Variants in PDE8B observed in about 807,000 individuals in gnomAD.
PDE8B encodes the protein phosphodiesterase 8B.
Under a neutral mutation model 101.3 loss-of-function variants are expected in PDE8B, and 26 were observed. That is an observed-to-expected ratio of 0.26 (90% confidence interval 0.19 to 0.36). The LOEUF is 0.36. Ranked by LOEUF, PDE8B falls within the 10% of genes least tolerant of loss-of-function variation. The probability of loss-of-function intolerance (pLI) is 1.00; values close to 1 mark genes in which losing one functional copy is unlikely to be tolerated. For synonymous variants in PDE8B, 424 were observed against 429.3 expected (o/e 0.99, Z 0.15); for missense variants, 810 against 1,163.1 (o/e 0.70, Z 4.42).
At chr5:77,123,362 A>T in the PDE8B span, among the ~76,000 whole-genome samples, 2 of 145,952 alleles carry the variant, frequency 1.4e-5, no homozygotes, top group African/African-American at 2.5e-5. Context: ...TTCCTCCCCC[A>T]CCGCCCCCCG....
the PDE8B span, among the ~76,000 whole-genome samples, chr5:77,155,537 G>A: frequency 6.6e-6 from 1 of 152,198 alleles, no homozygotes; most frequent in Non-Finnish European, 1.5e-5. Context: ...CTCTGTGTCT[G>A]TTTCCTTATG....
At chr5:77,380,388 A>G (rs2150785422) in intron 10 of PDE8B, among the ~76,000 whole-genome samples, 1 of 152,366 alleles carries the variant, frequency 6.6e-6, no homozygotes, top group South Asian at 2.1e-4. Context: ...TTAGGGACAA[A>G]GGTGCATTTA....
chr5:77,365,555 G>A (rs1261232450), intron 10 of PDE8B, among the ~76,000 whole-genome samples: 1 of 152,188 alleles, frequency 6.6e-6, no homozygotes, highest in East Asian at 1.9e-4. Flanking sequence ...CCTAGGTCCT[G>A]GCACACAGAA....
chr5:77,110,407 T>G, the PDE8B span, among the ~76,000 whole-genome samples: 1 of 152,164 alleles, frequency 6.6e-6, no homozygotes, highest in South Asian at 2.1e-4. Flanking sequence ...ATGGCCTGAA[T>G]GAAAGGTTAG....
At chr5:77,163,930 T>A in the PDE8B span, among the ~76,000 whole-genome samples, 1 of 152,254 alleles carries the variant, frequency 6.6e-6, no homozygotes, top group Admixed American at 6.5e-5. Context: ...GGCCTTGTTG[T>A]CTTCTTCTTT....
intron 15 of PDE8B, 73 bp from the exon 16 acceptor site, chr5:77,412,027 A>T: frequency 2.0e-6 from 3 of 1,483,450 alleles, no homozygotes; most frequent in Non-Finnish European, 1.9e-6. Context: ...GTAACTATGA[A>T]GATGATGACA....
At chr5:77,339,078 G>GA (rs1778709841) in intron 6 of PDE8B, among the ~76,000 whole-genome samples, 1 of 152,172 alleles carries the variant, frequency 6.6e-6, no homozygotes, top group Non-Finnish European at 1.5e-5. Context: ...ATAGCATAAA[G>GA]AAAAGCCTTC....
At chr5:77,375,843 C>T (rs1208909364) in intron 10 of PDE8B, among the ~76,000 whole-genome samples, 2 of 149,744 alleles carry the variant, frequency 1.3e-5, no homozygotes, top group South Asian at 2.1e-4. Flanking sequence ...TTTGTTGCCC[C>T]TTTTTAGGGT....
intron 1 of PDE8B, among the ~76,000 whole-genome samples, chr5:77,247,380 A>G (rs192778356): frequency 6.6e-6 from 1 of 152,238 alleles, no homozygotes; most frequent in Admixed American, 6.5e-5. Context: ...CGGGGTCCCA[A>G]ATGAGGGCCA....
chr5:77,200,312 T>C, the PDE8B span, among the ~76,000 whole-genome samples: 1 of 152,218 alleles, frequency 6.6e-6, no homozygotes, highest in African/African-American at 2.4e-5. Context: ...AATGGCAACC[T>C]TTTGGATAGG....
At position 77,305,484 on chromosome 5, in the gene PDE8B, A is replaced by G. The variant is rs73767362; in HGVS notation, c.340-6510A>G. Among the ~76,000 whole-genome samples the G allele has an allele frequency of 5.7e-3, 873 of 152,196 alleles. 12 individuals carry two copies. The highest frequency in any genetic ancestry group is 0.02 in the African/African-American group (833 of 41,518). On this transcript the variant is annotated intron_variant, in intron 1 of 21. Transcript: ENST00000264917. Reference sequence around the variant, plus strand: ...ACAACTGAGAGGGGACAGAAGGAAGAGAGTGTTCTGGGTGTGCTAAGCACA... The same window carrying G: ...ACAACTGAGAGGGGACAGAAGGAAGGGAGTGTTCTGGGTGTGCTAAGCACA...
chr5:77,180,525 G>T, the PDE8B span: 1 of 980,358 alleles, frequency 1.0e-6, no homozygotes, highest in Non-Finnish European at 1.2e-6. Context: ...GCCCTCGGCC[G>T]CCCCCTCACA....
the PDE8B span, among the ~76,000 whole-genome samples, chr5:77,133,877 A>G: frequency 6.6e-6 from 1 of 152,196 alleles, no homozygotes; most frequent in South Asian, 2.1e-4. Flanking sequence ...AAACTTTTGC[A>G]TCTCCAATAT....
At position 77,231,839 on chromosome 5, in the gene PDE8B, A is replaced by C. The variant is rs1471704942; in HGVS notation, c.339+20575A>C. Among the ~76,000 whole-genome samples, 20 of 152,348 alleles carry C rather than the reference A, an allele frequency of 1.3e-4. No homozygotes were observed. In the East Asian group the frequency reaches 3.7e-3, roughly 28 times the overall value. ...AGCGGTACTCATGAAGGCACATGCTATTGCCAGGACAGGGCACTGAAGCAG... is the reference window on the plus strand; with the variant it reads ...AGCGGTACTCATGAAGGCACATGCTCTTGCCAGGACAGGGCACTGAAGCAG... On this transcript the variant is annotated intron_variant, in intron 1 of 21. Transcript: ENST00000264917.
the PDE8B span, among the ~76,000 whole-genome samples, chr5:77,160,844 G>A: frequency 6.6e-6 from 1 of 151,286 alleles, no homozygotes; most frequent in Admixed American, 6.6e-5. Context: ...TAGAGACTGG[G>A]GTCTCCCTAT....
intron 12 of PDE8B, among the ~76,000 whole-genome samples, chr5:77,406,681 C>T (rs1793525636): frequency 6.6e-6 from 1 of 152,242 alleles, no homozygotes; most frequent in Non-Finnish European, 1.5e-5. Context: ...GGGACTCCCC[C>T]TCCTGCCTGC....
intron 1 of PDE8B, among the ~76,000 whole-genome samples, chr5:77,215,347 AG>A (rs1013625517): frequency 6.6e-6 from 1 of 152,226 alleles, no homozygotes; most frequent in African/African-American, 2.4e-5. Context: ...TGAAGTATAA[AG>A]TTTAATAAGC....
chr5:77,325,395 C>T (rs1775856444), intron 2 of PDE8B, 144 bp from the exon 3 acceptor site: 1 of 759,270 alleles, frequency 1.3e-6, no homozygotes, highest in Non-Finnish European at 2.3e-6. Flanking sequence ...GTCTTGAACA[C>T]CTGGGCTTAA....
chr5:77,365,532 C>T (rs1783956500), intron 10 of PDE8B, among the ~76,000 whole-genome samples: 1 of 152,192 alleles, frequency 6.6e-6, no homozygotes, highest in Non-Finnish European at 1.5e-5. Context: ...TCGTCATCAT[C>T]TTATATCTGT....
Sources: allele counts gnomAD v4.1 joint callset (sites outside exome capture counted in the v4.1 genomes callset), GRCh38; gene constraint gnomAD v4.1.1; transcripts MANE v1.5; gene names NCBI Gene and HGNC (gene_info 2026-07-23, HGNC 2026-07-21).